The following LINGO2 variants were observed in gnomAD, a reference collection of about 807,000 sequenced individuals.
LINGO2 encodes leucine rich repeat and Ig domain containing 2, also known as leucine-rich repeat and immunoglobulin-like domain-containing nogo receptor-interacting protein 2.
LINGO2 carries 14 observed loss-of-function variants against 30.6 expected under a neutral mutation model. The ratio of observed to expected loss-of-function variants is 0.46; its 90% confidence interval spans 0.30 to 0.72. The LOEUF (loss-of-function observed/expected upper bound fraction) is 0.72. Ranked by LOEUF, LINGO2 falls within the 30% of genes least tolerant of loss-of-function variation. The probability of loss-of-function intolerance (pLI) is 0.07; values close to 1 mark genes in which losing one functional copy is unlikely to be tolerated. For missense variants in LINGO2, 729 were observed against 751.7 expected (o/e 0.97, Z 0.35); for synonymous variants, 317 against 288.5 (o/e 1.10, Z -1.00).
intron 1 of LINGO2, among the ~76,000 whole-genome samples, chr9:28,492,991 C>T (rs1826459447): frequency 6.6e-6 from 1 of 152,006 alleles, no homozygotes. Context: ...TAATAGAAAA[C>T]CCAAAGAACT....
the LINGO2 span, among the ~76,000 whole-genome samples, chr9:28,989,855 G>A: frequency 6.6e-6 from 1 of 152,140 alleles, no homozygotes; most frequent in African/African-American, 2.4e-5. Flanking sequence ...TCTGGCTGGT[G>A]GGCATGGAGA....
intron 4 of LINGO2, among the ~76,000 whole-genome samples, chr9:28,104,481 G>T (rs557486016): frequency 1.3e-5 from 2 of 151,614 alleles, no homozygotes; most frequent in African/African-American, 4.8e-5. Context: ...TTTGTATGAG[G>T]CGCAAACCTA....
the LINGO2 span, among the ~76,000 whole-genome samples, chr9:28,837,410 C>T: frequency 2.2e-3 from 336 of 151,152 alleles, 1 homozygote; most frequent in African/African-American, 8.0e-3. Context: ...CTTTGGGAGG[C>T]CGAGGCGGGT....
the LINGO2 span, among the ~76,000 whole-genome samples, chr9:28,813,610 C>T: frequency 2.0e-5 from 3 of 152,264 alleles, no homozygotes; most frequent in Middle Eastern, 6.8e-3. Flanking sequence ...AGGAGACACA[C>T]ATTGAACAAG....
the LINGO2 span, among the ~76,000 whole-genome samples, chr9:29,040,672 C>G: frequency 2.0e-5 from 3 of 151,812 alleles, no homozygotes; most frequent in Admixed American, 6.6e-5. Context: ...ATGGCATCCA[C>G]CCATTTAATA....
the LINGO2 span, among the ~76,000 whole-genome samples, chr9:28,778,043 A>G: frequency 1.3e-5 from 2 of 152,082 alleles, no homozygotes; most frequent in Non-Finnish European, 2.9e-5. Flanking sequence ...GATATGATTG[A>G]TAGTGGCATA....
intron 4 of LINGO2, among the ~76,000 whole-genome samples, chr9:28,061,501 C>G (rs1401907688): frequency 6.6e-6 from 1 of 150,722 alleles, no homozygotes; most frequent in Non-Finnish European, 1.5e-5. Flanking sequence ...TCACCAGATT[C>G]TTTTTTTTTG....
At chr9:28,861,776 A>G in the LINGO2 span, among the ~76,000 whole-genome samples, 3 of 152,068 alleles carry the variant, frequency 2.0e-5, no homozygotes, top group East Asian at 5.8e-4. Flanking sequence ...CAAAAAACAC[A>G]AAACCTACAC....
chr9:28,082,146 G>C (rs1461805146), intron 4 of LINGO2, among the ~76,000 whole-genome samples: 1 of 152,096 alleles, frequency 6.6e-6, no homozygotes, highest in Non-Finnish European at 1.5e-5. Flanking sequence ...GTAGTCTTCT[G>C]TCACCTTGGA....
chr9:28,735,377 C>G, the LINGO2 span, among the ~76,000 whole-genome samples: 1 of 152,144 alleles, frequency 6.6e-6, no homozygotes, highest in Non-Finnish European at 1.5e-5. Flanking sequence ...CCTTAATTAT[C>G]ATACATCTAA....
chr9:28,574,459 C>T (rs1823856299), intron 1 of LINGO2, among the ~76,000 whole-genome samples: 1 of 152,108 alleles, frequency 6.6e-6, no homozygotes, highest in Non-Finnish European at 1.5e-5. Flanking sequence ...AGGTTGAGAT[C>T]TAATGTTGTC....
intron 5 of LINGO2, among the ~76,000 whole-genome samples, chr9:27,957,766 AT>A (rs1361639032): frequency 9.9e-5 from 15 of 152,190 alleles, no homozygotes; most frequent in African/African-American, 3.1e-4. Context: ...TTGACAAAAA[AT>A]GTGTTGATTA....
chr9:29,175,806 A>T, the LINGO2 span, among the ~76,000 whole-genome samples: 1 of 152,102 alleles, frequency 6.6e-6, no homozygotes, highest in African/African-American at 2.4e-5. Flanking sequence ...TTTTTTTAAA[A>T]AGCGTATATG....
the LINGO2 span, among the ~76,000 whole-genome samples, chr9:29,145,596 C>CA: frequency 6.6e-6 from 1 of 152,074 alleles, no homozygotes; most frequent in Non-Finnish European, 1.5e-5. Flanking sequence ...CTAAGCCAAG[C>CA]AATCAACCAA....
intron 3 of LINGO2, among the ~76,000 whole-genome samples, chr9:28,331,866 T>G (rs12340568): frequency 0.14 from 20,708 of 152,176 alleles, 1,629 homozygotes; most frequent in Middle Eastern, 0.27. Context: ...CTGATCACCT[T>G]GCACATGTCA....
intron 1 of LINGO2, among the ~76,000 whole-genome samples, chr9:28,554,872 T>G (rs1356031480): frequency 1.4e-5 from 2 of 140,106 alleles, no homozygotes; most frequent in African/African-American, 5.8e-5. Context: ...ACATGGAAAC[T>G]GAACAACCTG....
intron 4 of LINGO2, among the ~76,000 whole-genome samples, chr9:28,267,741 T>C (rs562078363): frequency 2.0e-5 from 3 of 151,974 alleles, no homozygotes; most frequent in Non-Finnish European, 4.4e-5. Flanking sequence ...TCTAGAGTAG[T>C]TCCTATATGG....
intron 5 of LINGO2, among the ~76,000 whole-genome samples, chr9:27,966,710 A>G (rs1366281070): frequency 1.3e-5 from 2 of 152,128 alleles, no homozygotes; most frequent in Non-Finnish European, 1.5e-5. Flanking sequence ...CATGTTCAGC[A>G]CACGTATCCC....
the LINGO2 span, among the ~76,000 whole-genome samples, chr9:29,041,377 A>G: frequency 6.6e-5 from 10 of 152,062 alleles, no homozygotes; most frequent in Non-Finnish European, 1.3e-4. Flanking sequence ...AATAGCTAAA[A>G]TATTTTGAAA....
Sources: gnomAD v4.1 joint callset for allele counts (sites outside exome capture counted in the v4.1 genomes callset) on GRCh38, gnomAD v4.1.1 for gene constraint, MANE v1.5 for transcripts, NCBI Gene and HGNC (gene_info 2026-07-23, HGNC 2026-07-21) for gene names.